The following KALRN variants were observed in gnomAD, a reference collection of about 807,000 sequenced individuals.
KALRN encodes kalirin.
KALRN carries 70 observed loss-of-function variants against 353.7 expected under a neutral mutation model. The observed-to-expected ratio is 0.20, with a 90% CI of 0.16 to 0.24. The LOEUF is 0.24. Ranked by LOEUF, KALRN falls within the 10% of genes least tolerant of loss-of-function variation. The pLI is 1.00. For missense variants in KALRN, 2,791 were observed against 3,756.7 expected (o/e 0.74, Z 6.72); for synonymous variants, 1,391 against 1,434.8 (o/e 0.97, Z 0.69).
chr3:124,216,620 G>A (rs2077362632), intron 1 of KALRN, among the ~76,000 whole-genome samples: 1 of 152,178 alleles, frequency 6.6e-6, no homozygotes, highest in African/African-American at 2.4e-5. Context: ...TAGAGTTGAG[G>A]ATTACCCAGT....
intron 5 of KALRN, 60 bp from the exon 6 acceptor site, chr3:124,298,731 G>T (rs2077040222): frequency 6.2e-7 from 1 of 1,600,580 alleles, no homozygotes. Context: ...AGCTCTGAAA[G>T]TTTTGCCCTA....
intron 7 of KALRN, among the ~76,000 whole-genome samples, chr3:124,329,550 G>A (rs188238052): frequency 6.6e-6 from 1 of 152,292 alleles, no homozygotes; most frequent in East Asian, 1.9e-4. Flanking sequence ...GTGGTGAGCT[G>A]TTTCCATACC....
intron 11 of KALRN, among the ~76,000 whole-genome samples, chr3:124,390,229 G>T (rs2089145996): frequency 6.6e-6 from 1 of 152,194 alleles, no homozygotes; most frequent in Non-Finnish European, 1.5e-5. Flanking sequence ...TGTTTCCATG[G>T]AAATGCTGTA....
chr3:124,402,852 A>G lies in KALRN; in HGVS notation c.2346+3981A>G, dbSNP rs142611965. On this transcript the variant is annotated intron_variant, in intron 13 of 59. Transcript: ENST00000682506. The stretch of plus-strand genomic sequence containing the variant: ...TTTTTGCCTGGTTTCTTGAGAGATC[A>G]GATTAGATTGTCATTGTTGCCTTAC... Among the ~76,000 whole-genome samples the G allele has an allele frequency of 4.6e-5, 7 of 152,298 alleles. No homozygotes were observed. In the East Asian group the frequency reaches 1.3e-3, roughly 29 times the overall value.
intron 6 of KALRN, among the ~76,000 whole-genome samples, chr3:124,318,210 T>C (rs1205094349): frequency 6.6e-6 from 1 of 152,174 alleles, no homozygotes; most frequent in Non-Finnish European, 1.5e-5. Context: ...CTATTCCTGT[T>C]CCTTTTCTGT....
chr3:124,077,148 G>A (rs985500367), intron 1 of KALRN, among the ~76,000 whole-genome samples: 1 of 152,238 alleles, frequency 6.6e-6, no homozygotes, highest in African/African-American at 2.4e-5. Flanking sequence ...TCTTGGTGCT[G>A]GTTTGGGACC....
chr3:124,413,683 T>C lies in KALRN; in HGVS notation c.2542+18T>C, dbSNP rs2092325316. 1 of 1,603,204 alleles carries C rather than the reference T, an allele frequency of 6.2e-7. No individual in the cohort carries two copies. The highest frequency in any genetic ancestry group is 8.5e-7 in the Non-Finnish European group (1 of 1,171,706). On this transcript the variant is annotated intron_variant, in intron 14 of 59. Coordinates refer to ENST00000682506, the MANE Select transcript of KALRN (RefSeq NM_001388419.1). The stretch of plus-strand genomic sequence containing the variant: ...GGCATCAGGTGGGTGACCTCGCTCA[T>C]TCTCCTGGCAGAGGAGATGATGAAA...
intron 1 of KALRN, among the ~76,000 whole-genome samples, chr3:124,218,753 G>T (rs888336682): frequency 6.6e-6 from 1 of 152,330 alleles, no homozygotes; most frequent in African/African-American, 2.4e-5. Context: ...GTGTATTGCA[G>T]CTGAGGTCTC....
At chr3:124,628,555 CTTTT>C (rs149642155) in intron 34 of KALRN, among the ~76,000 whole-genome samples, 43,024 of 121,630 alleles carry the variant, frequency 0.35, 8,433 homozygotes, top group East Asian at 0.65. Flanking sequence ...CCTTTTCTTT[CTTTT>C]CTTTTCTTTT....
chr3:124,198,964 G>A (rs377487839), intron 1 of KALRN, among the ~76,000 whole-genome samples: 8 of 152,196 alleles, frequency 5.3e-5, no homozygotes, highest in Admixed American at 5.2e-4. Flanking sequence ...TTGTGTGATC[G>A]GTCAGTGCTA....
At chr3:124,223,231 G>A (rs1019232777) in intron 1 of KALRN, among the ~76,000 whole-genome samples, 1 of 152,002 alleles carries the variant, frequency 6.6e-6, no homozygotes, top group Non-Finnish European at 1.5e-5. Flanking sequence ...CCCATAGTAA[G>A]TGGTCAATAT....
chr3:124,336,661 G>A (rs2081163464), intron 9 of KALRN, among the ~76,000 whole-genome samples: 1 of 152,086 alleles, frequency 6.6e-6, no homozygotes, highest in Admixed American at 6.5e-5. Context: ...CTAAAGCTAA[G>A]AAAAAGTATA....
chr3:124,127,552 A>G (rs938011081), intron 1 of KALRN, among the ~76,000 whole-genome samples: 2 of 151,954 alleles, frequency 1.3e-5, no homozygotes, highest in Non-Finnish European at 2.9e-5. Flanking sequence ...TTAGATTAGT[A>G]GAAACTTAGT....
chr3:124,325,472 G>T (rs920881834), intron 6 of KALRN, among the ~76,000 whole-genome samples: 1 of 152,180 alleles, frequency 6.6e-6, no homozygotes, highest in Non-Finnish European at 1.5e-5. Context: ...TAGGTGATAG[G>T]AAGATGTGGA....
chr3:124,396,308 C>T (rs1460687753), intron 12 of KALRN, among the ~76,000 whole-genome samples: 2 of 152,250 alleles, frequency 1.3e-5, no homozygotes, highest in East Asian at 1.9e-4. Context: ...GAGAAATTAC[C>T]TTTAGAAGGC....
At chr3:124,139,455 T>C (rs749254634) in intron 1 of KALRN, among the ~76,000 whole-genome samples, 12 of 152,228 alleles carry the variant, frequency 7.9e-5, no homozygotes, top group Non-Finnish European at 1.6e-4. Flanking sequence ...CAGTTTATTG[T>C]GTACTAGCTA....
chr3:124,346,342 AT>A (rs1470566301), intron 9 of KALRN, among the ~76,000 whole-genome samples: 5 of 152,090 alleles, frequency 3.3e-5, no homozygotes, highest in Non-Finnish European at 7.4e-5. Context: ...CCTTCTTAGC[AT>A]CCCCTCTCTC....
chr3:124,312,851 G>C (rs572664438), intron 6 of KALRN, among the ~76,000 whole-genome samples: 10 of 152,350 alleles, frequency 6.6e-5, no homozygotes, highest in African/African-American at 2.2e-4. Context: ...ACTCCTAAAG[G>C]CAGAGCTTTG....
chr3:124,289,513 G>A (rs1181801750), intron 5 of KALRN, among the ~76,000 whole-genome samples: 1 of 152,082 alleles, frequency 6.6e-6, no homozygotes, highest in East Asian at 1.9e-4. Context: ...AAATAAAAAG[G>A]TGGTGATTAT....
Sources: allele counts gnomAD v4.1 joint callset (sites outside exome capture counted in the v4.1 genomes callset), GRCh38; gene constraint gnomAD v4.1.1; transcripts MANE v1.5; gene names NCBI Gene and HGNC (gene_info 2026-07-23, HGNC 2026-07-21).